The following ZBTB16 variants were observed in gnomAD, a reference collection of about 807,000 sequenced individuals.
ZBTB16 encodes zinc finger and BTB domain containing 16.
In ZBTB16, 8 loss-of-function variants were observed where a neutral mutation model predicts 56.8. The observed-to-expected ratio is 0.14, with a 90% CI of 0.08 to 0.25. The LOEUF is 0.25. Ranked by LOEUF, ZBTB16 falls within the 10% of genes least tolerant of loss-of-function variation. The pLI is 1.00. For missense variants in ZBTB16, 625 were observed against 903.0 expected (o/e 0.69, Z 3.95); for synonymous variants, 363 against 368.5 (o/e 0.98, Z 0.17).
At chr11:114,069,286 C>T (rs565705680) in intron 2 of ZBTB16, among the ~76,000 whole-genome samples, 6 of 152,292 alleles carry the variant, frequency 3.9e-5, no homozygotes, top group East Asian at 3.9e-4. Flanking sequence ...AGGGTTTCAC[C>T]GTGTTAGCCA....
chr11:114,190,148 G>A (rs539218271), intron 4 of ZBTB16, among the ~76,000 whole-genome samples: 13 of 152,184 alleles, frequency 8.5e-5, no homozygotes, highest in Non-Finnish European at 1.5e-4. Flanking sequence ...GGTGCCAGGG[G>A]CTGGGGAAGT....
At chr11:114,224,949 C>G (rs954415179) in intron 4 of ZBTB16, among the ~76,000 whole-genome samples, 5 of 152,162 alleles carry the variant, frequency 3.3e-5, no homozygotes, top group African/African-American at 1.2e-4. Context: ...AGTGGGATTA[C>G]AGTGGGTTGA....
chr11:114,212,510 A>G (rs922609962), intron 4 of ZBTB16, among the ~76,000 whole-genome samples: 2 of 152,062 alleles, frequency 1.3e-5, no homozygotes, highest in Admixed American at 6.6e-5. Context: ...CTCTGCTCCA[A>G]TTTTCTCCTG....
intron 4 of ZBTB16, among the ~76,000 whole-genome samples, chr11:114,225,364 A>G (rs902232271): frequency 6.6e-6 from 1 of 152,152 alleles, no homozygotes; most frequent in Non-Finnish European, 1.5e-5. Context: ...AGCTCATGGT[A>G]CCTGTCTTAG....
chr11:114,207,689 C>T (rs112483455), intron 4 of ZBTB16, among the ~76,000 whole-genome samples: 28,771 of 152,068 alleles, frequency 0.19, 3,081 homozygotes, highest in Middle Eastern at 0.31. Context: ...TCTCAGCTCA[C>T]TGCAACCTCC....
rs1359063270 is a variant in ZBTB16 at position 114,249,002 on chromosome 11, T to C, written c.1793-1324T>C. ...TTACTGTATTGAAACAAGGTTCCCT[T>C]ACATCCTCTGCTCAGCTCTAGGGGA... On this transcript the variant is annotated intron_variant, in intron 6 of 6. Transcript: ENST00000335953. 2.0e-5 allele frequency among the ~76,000 whole-genome samples: 3 copies of C among 152,144 alleles called. No homozygotes were observed. The East Asian group carries it at 5.8e-4, about 29-fold the overall frequency.
chr11:114,231,300 G>T (rs894989089), intron 4 of ZBTB16, among the ~76,000 whole-genome samples: 2 of 152,246 alleles, frequency 1.3e-5, no homozygotes, highest in African/African-American at 4.8e-5. Context: ...GATTCAGAGG[G>T]TCTGGTTCTC....
At chr11:114,168,638 T>G (rs1253809000) in intron 3 of ZBTB16, among the ~76,000 whole-genome samples, 2 of 152,246 alleles carry the variant, frequency 1.3e-5, no homozygotes, top group South Asian at 2.1e-4. Flanking sequence ...TTCTCTCTCC[T>G]TCCACCCTGT....
intron 3 of ZBTB16, among the ~76,000 whole-genome samples, chr11:114,173,242 GTAT>G (rs553516467): frequency 1.3e-5 from 2 of 152,222 alleles, no homozygotes; most frequent in Non-Finnish European, 2.9e-5. Flanking sequence ...GTGTTGGGGA[GTAT>G]TATTAGGCTG....
At chr11:114,168,429 A>C (rs888231300) in intron 3 of ZBTB16, among the ~76,000 whole-genome samples, 2 of 152,224 alleles carry the variant, frequency 1.3e-5, no homozygotes, top group Non-Finnish European at 2.9e-5. Context: ...TGGCTGCAGG[A>C]AGGAGAGAAA....
rs1356046967 is a variant in ZBTB16, at chr11:114,233,121, A to T, written c.1454-9046A>T. Among the ~76,000 whole-genome samples the T allele has an allele frequency of 1.7e-4, 10 of 58,978 alleles. No homozygotes were observed. In the East Asian group the frequency reaches 2.1e-3, roughly 13 times the overall value. 38.7% of individuals were successfully genotyped at this position (58,978 alleles called of 152,430 possible). On this transcript the variant is annotated intron_variant, in intron 4 of 6. Transcript: ENST00000335953. The stretch of plus-strand genomic sequence containing the variant: ...CACACACACACACACACACACACAC[A>T]CACACTCTCTCTCTCTCACACTCCC...
rs187359095 is a variant in ZBTB16 at position 114,103,279 on chromosome 11, G to A, written c.1268+38711G>A. Among the ~76,000 whole-genome samples, 18 of 152,286 alleles carry A rather than the reference G, an allele frequency of 1.2e-4. 1 individual carries two copies. Among genetic ancestry groups the A allele is most frequent in the Admixed American group, 1.2e-3 (18 of 15,300 alleles). On this transcript the variant is annotated intron_variant, in intron 2 of 6. Transcript: ENST00000335953. ...TAGATGGTGACCTGGAATTCAGAAGGTGGACCCCCACCACCCCCCAGCCTG... is the reference window on the plus strand; with the variant it reads ...TAGATGGTGACCTGGAATTCAGAAGATGGACCCCCACCACCCCCCAGCCTG...
rs569564660 is a variant in ZBTB16 at position 114,244,631 on chromosome 11, CTTTT to C, written c.1624+2301_1624+2304del. 2.0e-3 allele frequency among the ~76,000 whole-genome samples: 303 copies of C among 148,458 alleles called. 1 individual carries two copies. The highest frequency in any genetic ancestry group is 6.3e-3 in the African/African-American group (256 of 40,550). Reference sequence around the variant, plus strand: ...CGTGTGTGTTGGTGACTTTTTCTTTCTTTTTTTTTTGTTGTTGTTTGTTTTTCCT... The same window carrying C: ...CGTGTGTGTTGGTGACTTTTTCTTTCTTTTTTGTTGTTGTTTGTTTTTCCT... On this transcript the variant is annotated intron_variant, in intron 5 of 6. Transcript: ENST00000335953.
intron 2 of ZBTB16, among the ~76,000 whole-genome samples, chr11:114,090,545 T>C (rs1940148151): frequency 6.6e-6 from 1 of 152,154 alleles, no homozygotes; most frequent in Non-Finnish European, 1.5e-5. Context: ...TTTCTGGTGG[T>C]GAGAAGATGG....
chr11:114,067,269 G>A (rs1939153344), intron 2 of ZBTB16, among the ~76,000 whole-genome samples: 2 of 152,152 alleles, frequency 1.3e-5, no homozygotes, highest in Non-Finnish European at 2.9e-5. Flanking sequence ...TGTCCACAGT[G>A]CCACCCTCCA....
rs909591571 is a variant in ZBTB16, at chr11:114,255,977, G to A, written c.*5422G>A. Among the ~76,000 whole-genome samples the A allele has an allele frequency of 5.3e-5, 8 of 150,990 alleles. No homozygotes were observed. The highest frequency in any genetic ancestry group is 1.2e-4 in the African/African-American group (5 of 41,156). On this transcript the variant is annotated 3_prime_UTR_variant, in exon 7 of 7. Coordinates refer to ENST00000335953, the MANE Select transcript of ZBTB16 (RefSeq NM_006006.6). ...AATAAAGTTAATTCAGTTGTCTCTC[G>A]CTTGAAGCGTCCCACCTTTTTATTG...
intron 2 of ZBTB16, among the ~76,000 whole-genome samples, chr11:114,126,500 G>A (rs1201776915): frequency 6.6e-6 from 1 of 152,166 alleles, no homozygotes. Context: ...CTGGGTGGAT[G>A]TAGTCTAAAA....
At chr11:114,087,022 T>C (rs1235811952) in intron 2 of ZBTB16, among the ~76,000 whole-genome samples, 1 of 152,200 alleles carries the variant, frequency 6.6e-6, no homozygotes, top group Non-Finnish European at 1.5e-5. Flanking sequence ...CAGTGCCATG[T>C]GGTGCCTGGA....
At chr11:114,238,291 C>G (rs1051459472) in intron 4 of ZBTB16, among the ~76,000 whole-genome samples, 1 of 152,202 alleles carries the variant, frequency 6.6e-6, no homozygotes, top group Admixed American at 6.5e-5. Flanking sequence ...CAGGTCAGAT[C>G]GTGCTAGCAC....
Sources: allele counts gnomAD v4.1 joint callset (sites outside exome capture counted in the v4.1 genomes callset), GRCh38; gene constraint gnomAD v4.1.1; transcripts MANE v1.5; gene names NCBI Gene and HGNC (gene_info 2026-07-23, HGNC 2026-07-21).